The following GRM7 variants were observed in gnomAD, a reference collection of about 807,000 sequenced individuals.
GRM7 encodes the protein metabotropic glutamate receptor 7.
Under a neutral mutation model 84.5 loss-of-function variants are expected in GRM7, and 35 were observed. The ratio of observed to expected loss-of-function variants is 0.41; its 90% CI spans 0.32 to 0.55. The LOEUF is 0.55. GRM7 is among the 20% of genes least tolerant of loss of function. GRM7 has a pLI of 0.19. For synonymous variants in GRM7, 487 were observed against 455.1 expected (o/e 1.07, Z -0.89); for missense variants, 1,003 against 1,194.6 (o/e 0.84, Z 2.36).
chr3:7,301,489 T>C (rs17047058), intron 3 of GRM7, among the ~76,000 whole-genome samples: 72,127 of 151,998 alleles, frequency 0.47, 18,793 homozygotes, highest in Non-Finnish European at 0.6. Context: ...TAAAATATGG[T>C]CTCATGTTTG....
Position 7,620,263 on chromosome 3 carries a change from C to CACTT in GRM7, c.2451+40908_2451+40911dup, listed in dbSNP as rs372805824. ...TGTAAAATATGCACTATTTGGGGCACACTTATACTAAAAATTCATCCATTG... is the reference window on the plus strand; with the variant it reads ...TGTAAAATATGCACTATTTGGGGCACACTTACTTATACTAAAAATTCATCCATTG... On this transcript the variant is annotated intron_variant, in intron 8 of 9. Transcript: ENST00000357716. 2.2e-3 allele frequency among the ~76,000 whole-genome samples: 328 copies of CACTT among 152,194 alleles called. 5 individuals carry two copies. The highest frequency in any genetic ancestry group is 7.5e-3 in the African/African-American group (313 of 41,532).
At chr3:7,610,124 C>T (rs1046540213) in intron 8 of GRM7, among the ~76,000 whole-genome samples, 10 of 152,100 alleles carry the variant, frequency 6.6e-5, no homozygotes, top group African/African-American at 1.9e-4. Context: ...GAAGGTAGGG[C>T]GCTTGGAAGA....
chr3:7,618,031 G>C (rs1697183898), intron 8 of GRM7, among the ~76,000 whole-genome samples: 3 of 152,142 alleles, frequency 2.0e-5, no homozygotes, highest in African/African-American at 7.2e-5. Context: ...TGGAGGAGCA[G>C]TGGTTAGAAA....
chr3:7,628,950 A>G (rs1463490358), intron 8 of GRM7, among the ~76,000 whole-genome samples: 3 of 152,168 alleles, frequency 2.0e-5, no homozygotes, highest in African/African-American at 7.2e-5. Context: ...CTCTACTGCT[A>G]TCCTGGTTAG....
At chr3:7,729,852 CAT>C (rs1702249463) in intron 9 of GRM7, among the ~76,000 whole-genome samples, 1 of 146,378 alleles carries the variant, frequency 6.8e-6, no homozygotes, top group African/African-American at 2.5e-5. Flanking sequence ...ATTACAGGTG[CAT>C]GCCACCACCT....
At chr3:7,193,836 A>G (rs146535684) in intron 2 of GRM7, among the ~76,000 whole-genome samples, 20 of 152,240 alleles carry the variant, frequency 1.3e-4, no homozygotes, top group African/African-American at 4.6e-4. Context: ...CAACCAGAGA[A>G]CAGACTGACA....
At chr3:7,481,084 T>G (rs975667245) in intron 7 of GRM7, among the ~76,000 whole-genome samples, 5 of 151,958 alleles carry the variant, frequency 3.3e-5, no homozygotes, top group Non-Finnish European at 7.4e-5. Flanking sequence ...TTGGTTTTTT[T>G]TTTTTCTTTT....
At chr3:7,051,981 A>G (rs1697019056) in intron 1 of GRM7, among the ~76,000 whole-genome samples, 1 of 151,690 alleles carries the variant, frequency 6.6e-6, no homozygotes, top group Non-Finnish European at 1.5e-5. Flanking sequence ...GTGCCAGAAG[A>G]TAAGATGATG....
chr3:7,526,856 G>C (rs1700827069), intron 7 of GRM7, among the ~76,000 whole-genome samples: 2 of 151,860 alleles, frequency 1.3e-5, no homozygotes, highest in African/African-American at 4.8e-5. Flanking sequence ...CTTTTCTTCT[G>C]AGTTTTCTAT....
chr3:7,163,092 C>T (rs1270708404), intron 2 of GRM7, among the ~76,000 whole-genome samples: 1 of 151,908 alleles, frequency 6.6e-6, no homozygotes, highest in Non-Finnish European at 1.5e-5. Flanking sequence ...CCTTTCGTGC[C>T]TATTCTGCAT....
chr3:7,277,785 G>A (rs1699125637), intron 2 of GRM7, among the ~76,000 whole-genome samples: 1 of 152,048 alleles, frequency 6.6e-6, no homozygotes, highest in South Asian at 2.1e-4. Context: ...AGAGAATAAA[G>A]TGAAGACAAA....
intron 2 of GRM7, among the ~76,000 whole-genome samples, chr3:7,167,083 T>A (rs1014206866): frequency 6.6e-6 from 1 of 152,224 alleles, no homozygotes; most frequent in African/African-American, 2.4e-5. Context: ...TATTTTAATA[T>A]TCACTGTTCT....
chr3:7,690,035 A>T (rs1179986790), intron 9 of GRM7, among the ~76,000 whole-genome samples: 2 of 152,218 alleles, frequency 1.3e-5, no homozygotes, highest in South Asian at 4.1e-4. Context: ...CTCTTAAAAG[A>T]TAAAGGGCTC....
At chr3:7,123,937 C>T (rs1169391856) in intron 1 of GRM7, among the ~76,000 whole-genome samples, 2 of 152,110 alleles carry the variant, frequency 1.3e-5, no homozygotes, top group Admixed American at 6.6e-5. Context: ...TATAATTCTG[C>T]CCCTTTCAAA....
intron 2 of GRM7, among the ~76,000 whole-genome samples, chr3:7,195,441 G>T (rs1267088186): frequency 1.3e-5 from 2 of 152,028 alleles, no homozygotes; most frequent in Non-Finnish European, 2.9e-5. Context: ...AGAAATGAAT[G>T]ATTTTCTTAA....
intron 1 of GRM7, among the ~76,000 whole-genome samples, chr3:7,023,251 G>C: frequency 6.6e-6 from 1 of 152,066 alleles, no homozygotes; most frequent in South Asian, 2.1e-4. Context: ...AGACCCCAAG[G>C]GAGGAGATCT....
At chr3:6,980,429 A>T (rs569809315) in intron 1 of GRM7, among the ~76,000 whole-genome samples, 4 of 152,150 alleles carry the variant, frequency 2.6e-5, no homozygotes, top group African/African-American at 7.2e-5. Context: ...ACAATTTTTT[A>T]TAATGAATGA....
intron 1 of GRM7, among the ~76,000 whole-genome samples, chr3:6,995,655 G>T (rs2124865622): frequency 6.6e-6 from 1 of 152,220 alleles, no homozygotes; most frequent in East Asian, 1.9e-4. Flanking sequence ...AAGAATCAAA[G>T]AAATAATCAC....
At chr3:7,445,580 A>G (rs912658721) in intron 5 of GRM7, among the ~76,000 whole-genome samples, 6 of 152,088 alleles carry the variant, frequency 3.9e-5, no homozygotes, top group Non-Finnish European at 8.8e-5. Context: ...CTGCAAATAG[A>G]GGCACAGCAA....
Sources: gnomAD v4.1 joint callset for allele counts (sites outside exome capture counted in the v4.1 genomes callset) on GRCh38, gnomAD v4.1.1 for gene constraint, MANE v1.5 for transcripts, NCBI Gene and HGNC (gene_info 2026-07-23, HGNC 2026-07-21) for gene names.